The following CCT3 variants were observed in gnomAD, a reference collection of about 807,000 sequenced individuals.
CCT3 encodes chaperonin containing TCP1 subunit 3.
A neutral mutation model predicts 65.3 loss-of-function variants in CCT3; 10 were observed. The observed-to-expected ratio is 0.15, with a 90% CI of 0.09 to 0.26. The LOEUF (loss-of-function observed/expected upper bound fraction) is 0.26, where lower values mean the gene tolerates loss of function less well. CCT3 is among the 10% of genes least tolerant of loss of function. The pLI is 1.00. For synonymous variants in CCT3, 225 were observed against 242.3 expected (o/e 0.93, Z 0.66); for missense variants, 626 against 708.7 (o/e 0.88, Z 1.33).
At chr1:156,329,655 G>A (rs1665023846) in intron 5 of CCT3, among the ~76,000 whole-genome samples, 1 of 151,752 alleles carries the variant, frequency 6.6e-6, no homozygotes. Flanking sequence ...AGATGGCTGA[G>A]TGGCTGGGCA....
At chr1:156,310,732 G>A (rs1410593317) in intron 12 of CCT3, 43 bp from the exon 13 acceptor site, 4 of 1,606,634 alleles carry the variant, frequency 2.5e-6, no homozygotes, top group Middle Eastern at 1.7e-4. Context: ...AAGTTAACAG[G>A]AAACATCAGG....
intron 5 of CCT3, among the ~76,000 whole-genome samples, chr1:156,329,076 T>C (rs1466965817): frequency 3.3e-5 from 5 of 152,156 alleles, no homozygotes; most frequent in Non-Finnish European, 7.3e-5. Context: ...TTACTGTACC[T>C]TTTCTATGTT....
intron 7 of CCT3, 114 bp from the exon 8 acceptor site, chr1:156,319,131 G>C: frequency 1.6e-6 from 1 of 623,938 alleles, no homozygotes; most frequent in South Asian, 2.1e-5. Flanking sequence ...TTTTTTTTTT[G>C]AGATGGAGTC....
At chr1:156,326,361 C>T (rs994306295) in intron 5 of CCT3, among the ~76,000 whole-genome samples, 1 of 151,448 alleles carries the variant, frequency 6.6e-6, no homozygotes, top group African/African-American at 2.4e-5. Flanking sequence ...AGAAAATGTG[C>T]ACAATTAAGG....
intron 6 of CCT3, among the ~76,000 whole-genome samples, chr1:156,321,235 C>T (rs3795730): frequency 0.057 from 8,639 of 152,236 alleles, 395 homozygotes; most frequent in East Asian, 0.22. Flanking sequence ...TAGACGGTGC[C>T]TTAATTCCCT....
At chr1:156,315,474 GC>G (rs1331750367) in intron 10 of CCT3, among the ~76,000 whole-genome samples, 1 of 152,148 alleles carries the variant, frequency 6.6e-6, no homozygotes, top group Non-Finnish European at 1.5e-5. Flanking sequence ...CTCCCAAAGT[GC>G]TGGGATTACA....
At position 156,309,158 on chromosome 1, in the gene CCT3, ACT is replaced by A. The variant is rs949440664; in HGVS notation, c.*39_*40del. 1.8e-5 allele frequency: 23 copies of A among 1,297,738 alleles called. No homozygotes were observed. In the Admixed American group the frequency reaches 2.7e-4, roughly 15 times the overall value. The allele number at this position is 1,297,738 out of a possible 1,614,324, so 80.4% of individuals were successfully genotyped here. ...GCACTCTGGCTCAGGAAAAGGGGAG[ACT>A]CTGCTGGTTCTGTGCATTGAAGTAG... On this transcript the variant is annotated 3_prime_UTR_variant, in exon 14 of 14. Transcript: ENST00000295688.
intron 5 of CCT3, chr1:156,332,948 A>C (rs1439622401): frequency 6.3e-6 from 1 of 159,010 alleles, no homozygotes; most frequent in African/African-American, 2.4e-5. Flanking sequence ...GCTTATAGGT[A>C]TCTAACCCTG....
chr1:156,310,887 T>C (rs1446535581), intron 12 of CCT3, 63 bp downstream of exon 12: 5 of 1,565,562 alleles, frequency 3.2e-6, no homozygotes, highest in African/African-American at 1.4e-5. Flanking sequence ...ATAAGAATCT[T>C]CCCCTCAGGG....
intron 5 of CCT3, 122 bp from the exon 6 acceptor site, chr1:156,325,211 G>A: frequency 1.4e-6 from 1 of 725,366 alleles, no homozygotes; most frequent in Non-Finnish European, 2.4e-6. Flanking sequence ...ATGACATTTG[G>A]CCATTCATAC....
intron 9 of CCT3, 80 bp from the exon 10 acceptor site, chr1:156,317,327 T>G (rs1664351143): frequency 2.5e-6 from 4 of 1,594,996 alleles, no homozygotes; most frequent in Non-Finnish European, 3.4e-6. Flanking sequence ...ATGACACTAT[T>G]ACGCCCCTGC....
At chr1:156,316,023 G>A (rs66965793) in intron 10 of CCT3, among the ~76,000 whole-genome samples, 35,297 of 145,540 alleles carry the variant, frequency 0.24, 4,765 homozygotes, top group Non-Finnish European at 0.3. Flanking sequence ...GGAGGAAGGC[G>A]AATAAACATG....
At chr1:156,313,150 C>A (rs573607956) in intron 10 of CCT3, among the ~76,000 whole-genome samples, 6 of 151,964 alleles carry the variant, frequency 3.9e-5, no homozygotes, top group African/African-American at 1.4e-4. Context: ...TCGAGACCAG[C>A]CTGGTGAAAC....
rs890742847 is a variant in CCT3, at chr1:156,338,169, G to T, written c.16C>A (p.Pro6Thr). 6.3e-7 allele frequency: 1 copy of T among 1,589,208 alleles called. No homozygotes were observed. Among genetic ancestry groups the T allele is most frequent in the African/African-American group, 1.3e-5 (1 of 74,828 alleles). ...CAGAACTCACTGAGCACGAGCACTG[G>T]ACGATGGCCCATCATGGCGACGCGA... MMGHR[P>T]VLVLSQNTKR... is the part of the protein sequence containing the mutation. The change falls in exon 1 of 14, where the codon CCA becomes ACA. Residue 6 changes from proline (P) to threonine (T), a missense_variant. Pro to Thr is a conservative substitution (Grantham distance 38). Transcript: ENST00000295688.
chr1:156,334,217 T>C (rs185524900), intron 4 of CCT3, among the ~76,000 whole-genome samples: 1 of 141,244 alleles, frequency 7.1e-6, no homozygotes, highest in Non-Finnish European at 1.5e-5. Flanking sequence ...CCAGCCTGGG[T>C]GACAAGAGCG....
Position 156,309,223 on chromosome 1 carries a change from C to A in CCT3, c.1614G>T (p.Gly538=). ...CTCACTCCTGGCCAGCATCAGGAGC[C>A]CCGCCTTGCCGGCTCTGGTCATCGC... The part of the protein sequence containing the change: ...KKGDDQSRQG[G]APDAGQE Residue 538 remains glycine, a synonymous_variant, in exon 14 of 14, where the codon GGG becomes GGT. Transcript: ENST00000295688. 8 of 1,613,658 alleles carry A rather than the reference C, an allele frequency of 5.0e-6. No homozygotes were observed. Among genetic ancestry groups the A allele is most frequent in the Non-Finnish European group, 6.8e-6 (8 of 1,179,610 alleles).
chr1:156,327,025 G>A (rs1664844467), intron 5 of CCT3, among the ~76,000 whole-genome samples: 1 of 152,172 alleles, frequency 6.6e-6, no homozygotes, highest in Non-Finnish European at 1.5e-5. Context: ...CAGCCTGGGT[G>A]ATAGAGTGAG....
intron 10 of CCT3, among the ~76,000 whole-genome samples, chr1:156,315,018 T>A (rs987093323): frequency 6.6e-6 from 1 of 152,150 alleles, no homozygotes; most frequent in Non-Finnish European, 1.5e-5. Flanking sequence ...TCACGATGTA[T>A]TTCCATTGAG....
chr1:156,311,048 A>G lies in CCT3; in HGVS notation c.1303T>C (p.Trp435Arg), dbSNP rs150509620. The change falls in exon 12 of 14, where the codon TGG becomes CGG. Residue 435 changes from tryptophan to arginine, a missense_variant. Physicochemically the swap from Trp to Arg is moderately radical, Grantham distance 101. Coordinates refer to ENST00000295688, the MANE Select transcript of CCT3 (RefSeq NM_005998.5). ...GCCTGGGCAACAGCCCTGTATGGCC[A>G]TTGTTCCACACCAGTCATGGCCTTG... Reference protein sequence around the residue: ...KSKAMTGVEQWPYRAVAQALE... With the variant: ...KSKAMTGVEQRPYRAVAQALE... 6.2e-7 allele frequency: 1 copy of G among 1,614,054 alleles called. No individual in the cohort carries two copies. The highest frequency in any genetic ancestry group is 1.7e-5 in the Admixed American group (1 of 60,016).
Sources: allele counts gnomAD v4.1 joint callset (sites outside exome capture counted in the v4.1 genomes callset), GRCh38; gene constraint gnomAD v4.1.1; transcripts MANE v1.5; gene names NCBI Gene and HGNC (gene_info 2026-07-23, HGNC 2026-07-21).